TMEM232: variants seen among roughly 807,000 people sequenced by gnomAD.
The protein encoded by TMEM232 is transmembrane protein 232.
A neutral mutation model predicts 78.8 loss-of-function variants in TMEM232; 80 were observed. The observed-to-expected ratio is 1.01, with a 90% confidence interval of 0.85 to 1.22. The LOEUF (loss-of-function observed/expected upper bound fraction) is 1.22, where lower values mean the gene tolerates loss of function less well. Among genes scored for constraint, TMEM232 ranks in the 50% most tolerant of loss-of-function variants. The pLI is 0.00. For synonymous variants in TMEM232, 297 were observed against 254.3 expected (o/e 1.17, Z -1.60); for missense variants, 881 against 742.2 (o/e 1.19, Z -2.17).
intron 1 of TMEM232, among the ~76,000 whole-genome samples, chr5:110,701,055 G>GATA (rs1795389749): frequency 6.6e-6 from 1 of 151,750 alleles, no homozygotes; most frequent in Admixed American, 6.6e-5. Flanking sequence ...CAAAACATTT[G>GATA]ATAGGAAGAG....
At chr5:110,709,430 A>C (rs1796250021) in intron 1 of TMEM232, among the ~76,000 whole-genome samples, 1 of 152,152 alleles carries the variant, frequency 6.6e-6, no homozygotes. Context: ...TGCAGAATAC[A>C]CATTCTTCTC....
At position 110,716,182 on chromosome 5, in the gene TMEM232, C is replaced by T. The variant is rs565663482; in HGVS notation, c.-13+10445G>A. ...GACTGTGTCATGGGCCATGGGTACT[C>T]GTATTTGGCTCAGAATACATTTCTT... On this transcript the variant is annotated intron_variant, in intron 1 of 13. Transcript: ENST00000455884. 2.1e-4 allele frequency among the ~76,000 whole-genome samples: 32 copies of T among 152,108 alleles called. 1 individual carries two copies. In the South Asian group the frequency reaches 5.8e-3, roughly 28 times the overall value.
chr5:110,669,299 T>A (rs1233333671), intron 1 of TMEM232, among the ~76,000 whole-genome samples: 3 of 152,022 alleles, frequency 2.0e-5, no homozygotes, highest in African/African-American at 7.3e-5. Flanking sequence ...AAAGGGGATA[T>A]CACCACCAAT....
intron 11 of TMEM232, among the ~76,000 whole-genome samples, chr5:110,560,192 A>C (rs1025897945): frequency 6.6e-6 from 1 of 152,174 alleles, no homozygotes; most frequent in Non-Finnish European, 1.5e-5. Context: ...GCTATTTGGC[A>C]TGATCTATTA....
chr5:110,424,211 ATAAAAT>A lies in TMEM232; in HGVS notation c.1797+606_1797+611del, dbSNP rs1159926307. 2.6e-5 allele frequency among the ~76,000 whole-genome samples: 4 copies of A among 152,286 alleles called. No individual in the cohort carries two copies. The East Asian group carries it at 7.7e-4, about 29-fold the overall frequency. ...GAGAGATAATATTGAACTACTGGTG[ATAAAAT>A]TAAGTGCATTATATATGCTATATAT... On this transcript the variant is annotated intron_variant, in intron 13 of 13. Transcript: ENST00000455884.
intron 10 of TMEM232, among the ~76,000 whole-genome samples, chr5:110,573,777 G>C (rs1777236544): frequency 6.6e-6 from 1 of 152,056 alleles, no homozygotes; most frequent in Non-Finnish European, 1.5e-5. Context: ...AATCATTGAA[G>C]GAACAAGGGA....
At chr5:110,701,904 C>A (rs1366015114) in intron 1 of TMEM232, among the ~76,000 whole-genome samples, 1 of 151,946 alleles carries the variant, frequency 6.6e-6, no homozygotes, top group African/African-American at 2.4e-5. Flanking sequence ...CAAAGAAAAA[C>A]TCAAATTTTG....
chr5:110,440,829 C>T (rs577458844), intron 12 of TMEM232, among the ~76,000 whole-genome samples: 16 of 152,176 alleles, frequency 1.1e-4, no homozygotes, highest in African/African-American at 3.9e-4. Context: ...ATAGTTTCAT[C>T]CACTTATTTA....
At chr5:110,416,633 G>A (rs531272183), downstream of TMEM232, among the ~76,000 whole-genome samples, 3 of 152,234 alleles carry the variant, frequency 2.0e-5, no homozygotes, top group East Asian at 5.8e-4. Context: ...TCAACTAGAA[G>A]CAATATGAAA....
At chr5:110,426,348 C>A (rs148449621) in intron 12 of TMEM232, among the ~76,000 whole-genome samples, 12 of 152,106 alleles carry the variant, frequency 7.9e-5, no homozygotes, top group East Asian at 3.9e-4. Context: ...TGTTTGCTTA[C>A]CATTGTTTCC....
At chr5:110,575,130 T>C in intron 10 of TMEM232, among the ~76,000 whole-genome samples, 1 of 152,170 alleles carries the variant, frequency 6.6e-6, no homozygotes, top group African/African-American at 2.4e-5. Flanking sequence ...TTTCAGAATA[T>C]TGTTATACTA....
intron 12 of TMEM232, among the ~76,000 whole-genome samples, chr5:110,441,986 T>C (rs1307977579): frequency 1.3e-5 from 1 of 76,856 alleles, no homozygotes; most frequent in African/African-American, 5.2e-5. Flanking sequence ...AAAAGTCTGT[T>C]GCCAGAGGTA....
At chr5:110,430,308 T>C (rs1004828318) in intron 12 of TMEM232, among the ~76,000 whole-genome samples, 2 of 151,616 alleles carry the variant, frequency 1.3e-5, no homozygotes, top group African/African-American at 4.8e-5. Flanking sequence ...GGGTCAATCA[T>C]ATTATGTATT....
At chr5:110,535,299 C>T (rs1171767346) in intron 11 of TMEM232, among the ~76,000 whole-genome samples, 4 of 152,070 alleles carry the variant, frequency 2.6e-5, no homozygotes, top group African/African-American at 7.2e-5. Context: ...CATACTGACT[C>T]GAAAGCTCCC....
chr5:110,394,411 C>T, intron 3 of TMEM232, among the ~76,000 whole-genome samples: 1 of 152,180 alleles, frequency 6.6e-6, no homozygotes, highest in East Asian at 1.9e-4. Flanking sequence ...CTGCAGTAAA[C>T]ATGAGAGTGC....
At chr5:110,672,787 C>T (rs1160785422) in intron 1 of TMEM232, among the ~76,000 whole-genome samples, 3 of 151,922 alleles carry the variant, frequency 2.0e-5, no homozygotes, top group Non-Finnish European at 4.4e-5. Flanking sequence ...GATCCCAAAG[C>T]TTGGAGCTAT....
At chr5:110,452,202 T>C (rs1373223890) in intron 12 of TMEM232, among the ~76,000 whole-genome samples, 1 of 152,186 alleles carries the variant, frequency 6.6e-6, no homozygotes, top group Non-Finnish European at 1.5e-5. Context: ...GTTATATAAA[T>C]TGATTTTATA....
At chr5:110,630,988 G>A (rs990873312) in intron 5 of TMEM232, among the ~76,000 whole-genome samples, 2 of 152,000 alleles carry the variant, frequency 1.3e-5, no homozygotes, top group African/African-American at 4.8e-5. Flanking sequence ...ACACCCCTGA[G>A]ACCTAAGCAA....
At chr5:110,395,499 ACT>A (rs1374567713) in intron 3 of TMEM232, among the ~76,000 whole-genome samples, 1 of 151,500 alleles carries the variant, frequency 6.6e-6, no homozygotes. Context: ...TCATGTCTCG[ACT>A]CTTATTTGAT....
Sources: gnomAD v4.1 joint callset for allele counts (sites outside exome capture counted in the v4.1 genomes callset) on GRCh38, gnomAD v4.1.1 for gene constraint, MANE v1.5 for transcripts, NCBI Gene and HGNC (gene_info 2026-07-23, HGNC 2026-07-21) for gene names.